The following SSH2 variants were observed in gnomAD, a reference collection of about 807,000 sequenced individuals.
SSH2 encodes the protein slingshot protein phosphatase 2, also known as protein phosphatase Slingshot homolog 2.
SSH2 carries 37 observed loss-of-function variants against 135.2 expected under a neutral mutation model. That is an observed-to-expected ratio of 0.27 (90% CI 0.21 to 0.36). SSH2 has a LOEUF of 0.36. SSH2 is among the 10% of genes least tolerant of loss of function. The probability of loss-of-function intolerance (pLI) is 1.00; values close to 1 mark genes in which losing one functional copy is unlikely to be tolerated. For synonymous variants in SSH2, 628 were observed against 646.2 expected (o/e 0.97, Z 0.43); for missense variants, 1,408 against 1,765.3 (o/e 0.80, Z 3.63).
At chr17:29,903,597 T>C (rs2066600846) in intron 1 of SSH2, among the ~76,000 whole-genome samples, 1 of 152,160 alleles carries the variant, frequency 6.6e-6, no homozygotes, top group Non-Finnish European at 1.5e-5. Flanking sequence ...CCCTGATAAA[T>C]CCCTTAGTCT....
At chr17:29,849,084 A>G (rs1393449605) in intron 1 of SSH2, among the ~76,000 whole-genome samples, 155 bp from the exon 2 acceptor site, 2 of 152,212 alleles carry the variant, frequency 1.3e-5, no homozygotes, top group East Asian at 3.8e-4. Context: ...GAACACTGCC[A>G]ACAAGGTGAC....
In SSH2 at chr17:29,632,245, A is replaced by G. The variant is rs770031333; in HGVS notation, c.2949T>C (p.Ala983=). The G allele has an allele frequency of 5.6e-6, 9 of 1,613,874 alleles. No homozygotes were observed. In the East Asian group the frequency reaches 2.0e-4, roughly 36 times the overall value. The change falls in exon 16 of 16, where the codon GCT becomes GCC. Residue 983 remains alanine (A), a synonymous_variant. Transcript: ENST00000540801. ...AGTGGTCAAACTCCAGCACCCTGGG[A>G]GCTGGAACAGTGGCATTCTGCTCAG... ...SHSEQNATVP[A]PRVLEFDHLP... is the part of the protein sequence containing the mutation.
chr17:29,670,873 A>G (rs145299940), intron 9 of SSH2, among the ~76,000 whole-genome samples: 19 of 152,358 alleles, frequency 1.2e-4, no homozygotes, highest in African/African-American at 4.3e-4. Flanking sequence ...CCTGAAGGTC[A>G]GACAGTAACT....
At chr17:29,854,547 T>C (rs1480144980) in intron 1 of SSH2, among the ~76,000 whole-genome samples, 2 of 151,970 alleles carry the variant, frequency 1.3e-5, no homozygotes, top group East Asian at 3.9e-4. Context: ...AATTTTTATA[T>C]GGACTGTATG....
intron 2 of SSH2, 90 bp downstream of exon 2, chr17:29,848,759 C>G (rs1226162727): frequency 2.6e-6 from 2 of 772,970 alleles, no homozygotes; most frequent in East Asian, 5.4e-5. Flanking sequence ...AAATAATAGG[C>G]ACTATATCAG....
intron 3 of SSH2, among the ~76,000 whole-genome samples, chr17:29,729,951 A>G (rs1380323199): frequency 2.6e-5 from 4 of 152,186 alleles, no homozygotes; most frequent in African/African-American, 9.7e-5. Flanking sequence ...GTTAGACAGA[A>G]TAAATAAGAT....
chr17:29,848,972 G>T, intron 1 of SSH2, 43 bp from the exon 2 acceptor site: 1 of 1,365,404 alleles, frequency 7.3e-7, no homozygotes, highest in Non-Finnish European at 1.0e-6. Flanking sequence ...AAACGAATGG[G>T]CCCATAAGCA....
intron 1 of SSH2, among the ~76,000 whole-genome samples, chr17:29,877,656 A>G (rs1294580038): frequency 6.6e-6 from 1 of 152,102 alleles, no homozygotes. Flanking sequence ...TCATTTATTT[A>G]TGGATCTAAA....
chr17:29,797,601 C>T (rs920313934), intron 2 of SSH2, among the ~76,000 whole-genome samples: 7 of 152,070 alleles, frequency 4.6e-5, no homozygotes, highest in Non-Finnish European at 7.4e-5. Flanking sequence ...TTGCCTATCA[C>T]GAACAAAGTT....
At chr17:29,761,144 A>C (rs190586023) in intron 3 of SSH2, 9 of 1,288,656 alleles carry the variant, frequency 7.0e-6, no homozygotes, top group East Asian at 5.6e-5. Flanking sequence ...CGCGCGGCGG[A>C]CTCACAGCTG....
intron 3 of SSH2, among the ~76,000 whole-genome samples, chr17:29,717,536 T>G (rs1300261764): frequency 6.6e-6 from 1 of 152,236 alleles, no homozygotes; most frequent in Non-Finnish European, 1.5e-5. Flanking sequence ...AGATGAGCAG[T>G]GGCTGCCATT....
intron 3 of SSH2, among the ~76,000 whole-genome samples, chr17:29,783,742 T>C (rs1481475904): frequency 1.3e-5 from 2 of 152,150 alleles, no homozygotes; most frequent in Non-Finnish European, 2.9e-5. Flanking sequence ...AAAGCTGATC[T>C]TAGGTTCACA....
At chr17:29,717,782 C>A (rs577335016) in intron 3 of SSH2, among the ~76,000 whole-genome samples, 1 of 152,228 alleles carries the variant, frequency 6.6e-6, no homozygotes, top group Non-Finnish European at 1.5e-5. Flanking sequence ...CACCTGTAAT[C>A]CCAGCTACTC....
chr17:29,887,963 G>A (rs888344017), intron 1 of SSH2, among the ~76,000 whole-genome samples: 1 of 152,080 alleles, frequency 6.6e-6, no homozygotes, highest in African/African-American at 2.4e-5. Flanking sequence ...GAGGCCAGGC[G>A]TGGTAACTCA....
intron 3 of SSH2, among the ~76,000 whole-genome samples, chr17:29,785,548 G>T: frequency 7.3e-6 from 1 of 136,956 alleles, no homozygotes; most frequent in Non-Finnish European, 1.5e-5. Flanking sequence ...CCCAGGCTCT[G>T]GAGTGCAGTG....
chr17:29,640,099 G>C (rs1017779298), intron 14 of SSH2, among the ~76,000 whole-genome samples: 102 of 145,546 alleles, frequency 7.0e-4, no homozygotes, highest in African/African-American at 2.5e-3. Context: ...TTTTTTTTGA[G>C]ACGGAGTCTC....
At chr17:29,814,956 T>A (rs1211776876) in intron 2 of SSH2, among the ~76,000 whole-genome samples, 6 of 150,548 alleles carry the variant, frequency 4.0e-5, no homozygotes, top group African/African-American at 1.5e-4. Flanking sequence ...TTTCTTTTTT[T>A]TTTTTTTTTG....
At chr17:29,792,230 C>T (rs1197238450) in intron 3 of SSH2, among the ~76,000 whole-genome samples, 11 of 151,902 alleles carry the variant, frequency 7.2e-5, no homozygotes, top group Non-Finnish European at 5.9e-5. Context: ...CTTGACAATT[C>T]AGTACTGTGA....
intron 3 of SSH2, among the ~76,000 whole-genome samples, chr17:29,786,919 G>A (rs895148792): frequency 1.3e-4 from 20 of 152,166 alleles, no homozygotes; most frequent in African/African-American, 4.6e-4. Context: ...GCAAGACCCT[G>A]TCTCAATCAA....
Sources: gnomAD v4.1 joint callset for allele counts (sites outside exome capture counted in the v4.1 genomes callset) on GRCh38, gnomAD v4.1.1 for gene constraint, MANE v1.5 for transcripts, NCBI Gene and HGNC (gene_info 2026-07-23, HGNC 2026-07-21) for gene names.